Variants in BCL2L14 observed in about 807,000 individuals in gnomAD.
BCL2L14 encodes the protein apoptosis facilitator Bcl-2-like protein 14.
A neutral mutation model predicts 35.3 loss-of-function variants in BCL2L14; 27 were observed. The observed-to-expected ratio is 0.76, with a 90% CI of 0.56 to 1.05. BCL2L14 has a LOEUF of 1.05. BCL2L14 is among the 50% of genes least tolerant of loss of function. The pLI, the probability that BCL2L14 is intolerant of heterozygous loss-of-function variation, is 0.00. For synonymous variants in BCL2L14, 139 were observed against 145.9 expected, an observed-to-expected ratio of 0.95 and a Z score of 0.34; for missense variants, 377 against 382.6, an observed-to-expected ratio of 0.99 and a Z score of 0.12.
At chr12:12,094,962 T>C (rs1267931927) in intron 5 of BCL2L14, 32 bp downstream of exon 5, 2 of 1,596,704 alleles carry the variant, frequency 1.3e-6, no homozygotes, top group African/African-American at 2.7e-5. Flanking sequence ...ACAAATTTTC[T>C]CAGAACTCAG....
In BCL2L14 at chr12:12,076,371, G is replaced by C. The variant is rs541946083; in HGVS notation, c.-7-2928G>C. Among the ~76,000 whole-genome samples the C allele has an allele frequency of 7.2e-5, 11 of 152,246 alleles. No individual in the cohort carries two copies. The South Asian group carries it at 2.3e-3, about 32-fold the overall frequency. ...ATGCATGTAAGTGAATGTGAAATTG[G>C]AGCAGTGGCGGGAAGAAAGATTGTC... is the stretch of plus-strand genomic sequence containing the variant. On this transcript the variant is annotated intron_variant, in intron 1 of 5. Coordinates refer to ENST00000308721, the MANE Select transcript of BCL2L14 (RefSeq NM_138723.2).
chr12:12,075,428 TCTTTC>T (rs1948759947), intron 1 of BCL2L14, among the ~76,000 whole-genome samples: 1 of 136,478 alleles, frequency 7.3e-6, no homozygotes, highest in African/African-American at 2.7e-5. Flanking sequence ...TTTCTTTCTT[TCTTTC>T]TTTTTTTTTT....
chr12:12,054,512 AAAAAAAT>A (rs55810815), intron 2 of BCL2L14: 47,475 of 148,784 alleles, frequency 0.32, 7,959 homozygotes, highest in African/African-American at 0.43. Flanking sequence ...TCGAAAAAAA[AAAAAAAT>A]AAAATCCAAT....
At chr12:12,095,482 C>G in intron 5 of BCL2L14, 2 of 985,326 alleles carry the variant, frequency 2.0e-6, no homozygotes, top group Non-Finnish European at 1.2e-6. Context: ...CAAAACAGAC[C>G]TCTTTCCCTT....
chr12:12,053,666 T>C (rs1210398252), intron 2 of BCL2L14, among the ~76,000 whole-genome samples: 1 of 152,176 alleles, frequency 6.6e-6, no homozygotes, highest in South Asian at 2.1e-4. Flanking sequence ...GTACCCGCCT[T>C]GGCCTCCCAA....
chr12:12,080,037 C>T (rs981943783), intron 2 of BCL2L14, among the ~76,000 whole-genome samples: 11 of 151,948 alleles, frequency 7.2e-5, no homozygotes, highest in South Asian at 2.1e-4. Flanking sequence ...ACCCCGTCTC[C>T]ACTAAAAAAT....
At chr12:12,093,091 ATT>A (rs764620559) in intron 4 of BCL2L14, among the ~76,000 whole-genome samples, 96 of 152,328 alleles carry the variant, frequency 6.3e-4, no homozygotes, top group Non-Finnish European at 1.1e-3. Flanking sequence ...GGCAGCATTG[ATT>A]TTGTTTTAAA....
chr12:12,059,237 T>C (rs1948485467), intron 2 of BCL2L14, among the ~76,000 whole-genome samples: 1 of 151,774 alleles, frequency 6.6e-6, no homozygotes, highest in Non-Finnish European at 1.5e-5. Context: ...TAGCGGCAAG[T>C]CCCGCTTTTC....
At chr12:12,075,995 C>G (rs1948772448) in intron 1 of BCL2L14, among the ~76,000 whole-genome samples, 1 of 151,196 alleles carries the variant, frequency 6.6e-6, no homozygotes, top group Admixed American at 6.6e-5. Flanking sequence ...TTTAGTGAGA[C>G]CAAGATTGGT....
chr12:12,096,092 C>T, intron 5 of BCL2L14: 3 of 985,358 alleles, frequency 3.0e-6, no homozygotes, highest in South Asian at 4.7e-5. Context: ...TCTCCTGACC[C>T]TTCCAGCTCA....
At chr12:12,058,619 C>G (rs541801238) in intron 2 of BCL2L14, among the ~76,000 whole-genome samples, 3 of 151,568 alleles carry the variant, frequency 2.0e-5, no homozygotes, top group Non-Finnish European at 4.4e-5. Flanking sequence ...CGCCAGAGAA[C>G]CCCCCTTTTT....
chr12:12,099,176 G>T lies in BCL2L14; in HGVS notation c.*188G>T, dbSNP rs574246665. ...CGTCTCCAGCTCATAAAATGTAGCA[G>T]CATCATCCTTGACAGTGATGTTTTT... On this transcript the variant is annotated 3_prime_UTR_variant, in exon 6 of 6. Coordinates refer to ENST00000308721, the MANE Select transcript of BCL2L14 (RefSeq NM_138723.2). 44 of 573,774 alleles carry T rather than the reference G, an allele frequency of 7.7e-5. No individual in the cohort carries two copies. In the South Asian group the frequency reaches 9.3e-4, roughly 12 times the overall value. 35.5% of individuals were successfully genotyped at this position (573,774 alleles called of 1,614,324 possible). A position where few individuals can be genotyped will look rare whatever the true frequency, so the allele number is the denominator to read the frequency against.
intron 1 of BCL2L14, among the ~76,000 whole-genome samples, chr12:12,051,548 A>G (rs1948357845): frequency 6.7e-6 from 1 of 148,510 alleles, no homozygotes; most frequent in African/African-American, 2.4e-5. Flanking sequence ...GCCAGATCAA[A>G]TTTACCCCCT....
chr12:12,066,942 C>G (rs1261007087), upstream of BCL2L14, among the ~76,000 whole-genome samples: 1 of 152,080 alleles, frequency 6.6e-6, no homozygotes, highest in Non-Finnish European at 1.5e-5. Flanking sequence ...GATCTCCTGA[C>G]CTCGTGATCT....
intron 2 of BCL2L14, among the ~76,000 whole-genome samples, chr12:12,064,853 C>T (rs1029968483): frequency 6.6e-6 from 1 of 152,200 alleles, no homozygotes; most frequent in Non-Finnish European, 1.5e-5. Flanking sequence ...TCTCCTATCA[C>T]GATTACCTCC....
chr12:12,075,223 A>G (rs1948753977), intron 1 of BCL2L14, among the ~76,000 whole-genome samples: 1 of 151,890 alleles, frequency 6.6e-6, no homozygotes, highest in Admixed American at 6.6e-5. Context: ...CCCAGGTTCA[A>G]GTGATTCTCC....
chr12:12,062,387 C>T (rs2136717086), intron 2 of BCL2L14, among the ~76,000 whole-genome samples: 1 of 148,068 alleles, frequency 6.8e-6, no homozygotes, highest in South Asian at 2.1e-4. Flanking sequence ...TCCACCAGGC[C>T]TAATTGCCAC....
intron 5 of BCL2L14, among the ~76,000 whole-genome samples, chr12:12,097,320 A>T (rs1352463961): frequency 6.6e-6 from 1 of 152,238 alleles, no homozygotes; most frequent in African/African-American, 2.4e-5. Context: ...ATGAATGGAT[A>T]AGGAAAATGT....
In BCL2L14 at chr12:12,080,069, T is replaced by G. The variant is rs374877307; in HGVS notation, c.433+331T>G. On this transcript the variant is annotated intron_variant, in intron 2 of 5. Transcript: ENST00000308721. ...AAATACAAAAAATTAGCCGGGCGTGTTGGCGGGTGCCTGTAGTCCCAGCTA... is the reference window on the plus strand; with the variant it reads ...AAATACAAAAAATTAGCCGGGCGTGGTGGCGGGTGCCTGTAGTCCCAGCTA... 5.6e-3 allele frequency among the ~76,000 whole-genome samples: 843 copies of G among 151,742 alleles called. 6 individuals are homozygous for G. Among genetic ancestry groups the G allele is most frequent in the African/African-American group, 0.01 (431 of 41,382 alleles).
Sources: gnomAD v4.1 joint callset for allele counts (sites outside exome capture counted in the v4.1 genomes callset) on GRCh38, gnomAD v4.1.1 for gene constraint, MANE v1.5 for transcripts, NCBI Gene and HGNC (gene_info 2026-07-23, HGNC 2026-07-21) for gene names.